AGPAT4: variants seen among roughly 807,000 people sequenced by gnomAD.
The protein encoded by AGPAT4 is 1-acyl-sn-glycerol-3-phosphate acyltransferase delta.
In AGPAT4, 15 loss-of-function variants were observed where a neutral mutation model predicts 48.0. That is an observed-to-expected ratio of 0.31 (90% CI 0.21 to 0.48). The LOEUF is 0.48. Ranked by LOEUF, AGPAT4 falls within the 20% of genes least tolerant of loss-of-function variation. The pLI is 0.99. For missense variants in AGPAT4, 314 were observed against 482.5 expected (o/e 0.65, Z 3.27); for synonymous variants, 178 against 198.7 (o/e 0.90, Z 0.88).
chr6:161,262,661 T>C lies in AGPAT4; in HGVS notation c.-90+11277A>G, dbSNP rs1455138350. On this transcript the variant is annotated intron_variant, in intron 1 of 8. Transcript: ENST00000320285. The surrounding 1 kb of genome is among the most constrained non-coding windows in gnomAD (Gnocchi z 4.9). ...TGCAAGCTCTACCCCACTTCTTCCT[T>C]TGCTCAGAAGGTTTGGGTCCGATTA... Among the ~76,000 whole-genome samples the C allele has an allele frequency of 6.6e-6, 1 of 152,092 alleles. No individual in the cohort carries two copies. Among genetic ancestry groups the C allele is most frequent in the Admixed American group, 6.5e-5 (1 of 15,276 alleles).
rs929148844 is a variant in AGPAT4, at chr6:161,219,344, T to A, written c.178+12692A>T. On this transcript the variant is annotated intron_variant, in intron 2 of 8. Transcript: ENST00000320285. The surrounding 1 kb of genome is among the most constrained non-coding windows in gnomAD (Gnocchi z 4.9). ...TTTAAAAAATATATAAAATGTCCTA[T>A]CCAGACATTTATGATATGATAGAAT... Among the ~76,000 whole-genome samples, 6 of 151,946 alleles carry A rather than the reference T, an allele frequency of 3.9e-5. No individual in the cohort carries two copies. The highest frequency in any genetic ancestry group is 7.4e-5 in the Non-Finnish European group (5 of 68,000).
intron 2 of AGPAT4, among the ~76,000 whole-genome samples, chr6:161,213,439 A>G (rs1297864643): frequency 6.6e-6 from 1 of 152,152 alleles, no homozygotes; most frequent in Non-Finnish European, 1.5e-5. Context: ...TTCAATTTTT[A>G]TTATTTTCTA....
chr6:161,139,339 C>A lies in AGPAT4; in HGVS notation c.1042+83G>T. The stretch of plus-strand genomic sequence containing the variant: ...CTCATCCACGGCACAACTGCCTATA[C>A]AGATGGCCTTCGTCCCAGCCCTGAT... On this transcript the variant is annotated intron_variant, in intron 8 of 8. Transcript: ENST00000320285. This position sits in a 1 kb window ranked among gnomAD's most constrained non-coding sequence, Gnocchi z 9.1. 6.8e-7 allele frequency: 1 copy of A among 1,471,796 alleles called. No homozygotes were observed. Among genetic ancestry groups the A allele is most frequent in the South Asian group, 1.2e-5 (1 of 82,056 alleles). The allele number at this position is 1,471,796 out of a possible 1,614,324, so 91.2% of individuals were successfully genotyped here.
rs747221331 is a variant in AGPAT4, at chr6:161,242,123, A to G, written c.-89-9821T>C. ...AAAAATGTTTAGCATATATTATCCC[A>G]TTAGTTCTCACAAAAACCCACTATG... is the stretch of plus-strand genomic sequence containing the variant. On this transcript the variant is annotated intron_variant, in intron 1 of 8. Coordinates refer to ENST00000320285, the MANE Select transcript of AGPAT4 (RefSeq NM_020133.3). The surrounding 1 kb of genome is among the most constrained non-coding windows in gnomAD (Gnocchi z 5.0). Among the ~76,000 whole-genome samples the G allele has an allele frequency of 8.5e-5, 13 of 152,220 alleles. No individual in the cohort carries two copies. The highest frequency in any genetic ancestry group is 2.1e-4 in the South Asian group (1 of 4,836).
chr6:161,273,006 T>C (rs1005060881), intron 1 of AGPAT4, among the ~76,000 whole-genome samples: 2 of 152,210 alleles, frequency 1.3e-5, no homozygotes, highest in African/African-American at 4.8e-5. Context: ...CTTTTAAATA[T>C]TTAAGCTTTT....
At position 161,131,076 on chromosome 6, in the gene AGPAT4, T is replaced by G. The variant is rs755110418; in HGVS notation, c.*5464A>C. On this transcript the variant is annotated 3_prime_UTR_variant, in exon 9 of 9. Coordinates refer to ENST00000320285, the MANE Select transcript of AGPAT4 (RefSeq NM_020133.3). ...TACATACCACTCACCTCCCTTAAAATTCAGCAGAACCAGAGGTGCCAGAAA... is the reference window on the plus strand; with the variant it reads ...TACATACCACTCACCTCCCTTAAAAGTCAGCAGAACCAGAGGTGCCAGAAA... 17 of 300,312 alleles carry G rather than the reference T, an allele frequency of 5.7e-5. No individual in the cohort carries two copies. Among genetic ancestry groups the G allele is most frequent in the Non-Finnish European group, 1.0e-4 (15 of 145,180 alleles). The allele number at this position is 300,312 out of a possible 1,614,324, so 18.6% of individuals were successfully genotyped here. A position where few individuals can be genotyped will look rare whatever the true frequency, so the allele number is the denominator to read the frequency against.
chr6:161,256,569 G>A (rs1187306376), intron 1 of AGPAT4, among the ~76,000 whole-genome samples: 5 of 152,338 alleles, frequency 3.3e-5, no homozygotes, highest in Admixed American at 2.0e-4. Flanking sequence ...CATGACACTC[G>A]TGCTATGAAA....
rs987309700 is a variant in AGPAT4 at position 161,155,922 on chromosome 6, G to A, written c.349-1612C>T. Among the ~76,000 whole-genome samples, 3 of 152,252 alleles carry A rather than the reference G, an allele frequency of 2.0e-5. No homozygotes were observed. The highest frequency in any genetic ancestry group is 6.5e-5 in the Admixed American group (1 of 15,288). ...GACTAAAGCAGCAGCTGTTGGCCCT[G>A]GGAAGGTGAGAGGTCCCATGCAGCC... On this transcript the variant is annotated intron_variant, in intron 3 of 8. Coordinates refer to ENST00000320285, the MANE Select transcript of AGPAT4 (RefSeq NM_020133.3). This position sits in a 1 kb window ranked among gnomAD's most constrained non-coding sequence, Gnocchi z 5.8.
At position 161,164,772 on chromosome 6, in the gene AGPAT4, G is replaced by C. The variant is rs376902760; in HGVS notation, c.348+1476C>G. Among the ~76,000 whole-genome samples the C allele has an allele frequency of 2.0e-5, 3 of 152,182 alleles. No individual in the cohort carries two copies. The highest frequency in any genetic ancestry group is 7.2e-5 in the African/African-American group (3 of 41,442). On this transcript the variant is annotated intron_variant, in intron 3 of 8. Transcript: ENST00000320285. The surrounding 1 kb of genome is among the most constrained non-coding windows in gnomAD (Gnocchi z 7.4). The stretch of plus-strand genomic sequence containing the variant: ...CCAAGGGGCAAGCAGGGATTGGAAG[G>C]CACCCCCAAGTTCAATGGGCCTTCT...
chr6:161,163,458 A>T (rs1380095233), intron 3 of AGPAT4, among the ~76,000 whole-genome samples: 1 of 152,180 alleles, frequency 6.6e-6, no homozygotes, highest in Non-Finnish European at 1.5e-5. Flanking sequence ...AATATAAGGC[A>T]ATGCCGTTCT....
chr6:161,193,619 T>C (rs548432705), intron 2 of AGPAT4, among the ~76,000 whole-genome samples: 1 of 152,326 alleles, frequency 6.6e-6, no homozygotes, highest in East Asian at 1.9e-4. Flanking sequence ...CATCTTTACA[T>C]TGAGGTTACA....
Position 161,235,598 on chromosome 6 carries a change from G to A in AGPAT4, c.-89-3296C>T, listed in dbSNP as rs1782252145. On this transcript the variant is annotated intron_variant, in intron 1 of 8. Transcript: ENST00000320285. This position sits in a 1 kb window ranked among gnomAD's most constrained non-coding sequence, Gnocchi z 6.2. ...AAGAAAAGAGGTTTAATTGGCTCAT[G>A]GTTCTGCAGGCTGTACAGAAAGCAC... Among the ~76,000 whole-genome samples, 2 of 152,206 alleles carry A rather than the reference G, an allele frequency of 1.3e-5. No individual in the cohort carries two copies. The highest frequency in any genetic ancestry group is 4.8e-5 in the African/African-American group (2 of 41,438).
rs1013047029 is a variant in AGPAT4 at position 161,238,020 on chromosome 6, G to A, written c.-89-5718C>T. On this transcript the variant is annotated intron_variant, in intron 1 of 8. Transcript: ENST00000320285. The surrounding 1 kb of genome is among the most constrained non-coding windows in gnomAD (Gnocchi z 5.2). ...AAATTCTGAAATGTGCAGGCAACGC[G>A]AGACCACCTGGAAGCCAAGCACTGC... Among the ~76,000 whole-genome samples the A allele has an allele frequency of 2.2e-5, 3 of 138,738 alleles. No homozygotes were observed. Among genetic ancestry groups the A allele is most frequent in the East Asian group, 2.5e-4 (1 of 4,014 alleles). 91.0% of individuals were successfully genotyped at this position (138,738 alleles called of 152,430 possible). A position where few individuals can be genotyped will look rare whatever the true frequency, so the allele number is the denominator to read the frequency against.
rs888441253 is a variant in AGPAT4, at chr6:161,236,074, C to T, written c.-89-3772G>A. On this transcript the variant is annotated intron_variant, in intron 1 of 8. Coordinates refer to ENST00000320285, the MANE Select transcript of AGPAT4 (RefSeq NM_020133.3). The surrounding 1 kb of genome is among the most constrained non-coding windows in gnomAD (Gnocchi z 5.0). ...AGAGAAACATTTTAAAAATACTTTGCCTAGTTCCCTTTTAGCTTTGCAAGT... is the reference window on the plus strand; with the variant it reads ...AGAGAAACATTTTAAAAATACTTTGTCTAGTTCCCTTTTAGCTTTGCAAGT... Among the ~76,000 whole-genome samples the T allele has an allele frequency of 6.6e-6, 1 of 152,202 alleles. No individual in the cohort carries two copies. Among genetic ancestry groups the T allele is most frequent in the Non-Finnish European group, 1.5e-5 (1 of 68,030 alleles).
In AGPAT4 at chr6:161,136,478, G is replaced by C; in HGVS notation, c.*62C>G. On this transcript the variant is annotated 3_prime_UTR_variant, in exon 9 of 9. Coordinates refer to ENST00000320285, the MANE Select transcript of AGPAT4 (RefSeq NM_020133.3). ...AGCCTTTGTCACCGTGTCCCACTAA[G>C]GAGGATATGCAGAGGCCACCAGTTC... 1.5e-6 allele frequency: 2 copies of C among 1,347,160 alleles called. No homozygotes were observed. Among genetic ancestry groups the C allele is most frequent in the Non-Finnish European group, 2.1e-6 (2 of 958,442 alleles). The allele number at this position is 1,347,160 out of a possible 1,614,324, so 83.5% of individuals were successfully genotyped here.
Position 161,155,359 on chromosome 6 carries a change from A to G in AGPAT4, c.349-1049T>C, listed in dbSNP as rs2114968264. 6.6e-6 allele frequency among the ~76,000 whole-genome samples: 1 copy of G among 152,242 alleles called. No homozygotes were observed. Among genetic ancestry groups the G allele is most frequent in the Non-Finnish European group, 1.5e-5 (1 of 68,012 alleles). On this transcript the variant is annotated intron_variant, in intron 3 of 8. Coordinates refer to ENST00000320285, the MANE Select transcript of AGPAT4 (RefSeq NM_020133.3). The surrounding 1 kb of genome is among the most constrained non-coding windows in gnomAD (Gnocchi z 5.8). ...AGTGGGTCGATGACTGATCAATGGG[A>G]TATCAGCGGTCAGGGCAGCCCTAAA...
At chr6:161,230,574 C>A (rs1782097506) in intron 2 of AGPAT4, among the ~76,000 whole-genome samples, 1 of 152,224 alleles carries the variant, frequency 6.6e-6, no homozygotes, top group Non-Finnish European at 1.5e-5. Context: ...CAGTTCCTGT[C>A]CAAATCATCT....
At chr6:161,179,569 A>G (rs1480569721) in intron 2 of AGPAT4, among the ~76,000 whole-genome samples, 2 of 152,132 alleles carry the variant, frequency 1.3e-5, no homozygotes, top group Non-Finnish European at 2.9e-5. Flanking sequence ...TTTCTACTAC[A>G]TTTGACCTTT....
chr6:161,210,829 C>T (rs778159894), intron 2 of AGPAT4, among the ~76,000 whole-genome samples: 9 of 152,160 alleles, frequency 5.9e-5, no homozygotes, highest in Non-Finnish European at 8.8e-5. Flanking sequence ...ATGATCTTTT[C>T]TTGTGTACTC....
Sources: gnomAD v4.1 joint callset for allele counts (sites outside exome capture counted in the v4.1 genomes callset) on GRCh38, gnomAD v4.1.1 for gene constraint, Gnocchi (gnomAD v3.1) non-coding constraint, MANE v1.5 for transcripts, NCBI Gene and HGNC (gene_info 2026-07-23, HGNC 2026-07-21) for gene names.